KLRG1: variants seen among roughly 807,000 people sequenced by gnomAD.
The protein encoded by KLRG1 is killer cell lectin-like receptor subfamily G member 1.
A neutral mutation model predicts 21.8 loss-of-function variants in KLRG1; 16 were observed. That is an observed-to-expected ratio of 0.73 (90% CI 0.50 to 1.11). KLRG1 has a LOEUF of 1.11. KLRG1 is among the 50% of genes most tolerant of loss of function. The pLI is 0.00. For synonymous variants in KLRG1, 69 were observed against 75.9 expected, an observed-to-expected ratio of 0.91 and a Z score of 0.47; for missense variants, 173 against 218.3, an observed-to-expected ratio of 0.79 and a Z score of 1.31.
At chr12:9,002,571 T>C (rs1242471078) in intron 3 of KLRG1, among the ~76,000 whole-genome samples, 1 of 72,468 alleles carries the variant, frequency 1.4e-5, no homozygotes, top group African/African-American at 3.7e-5. Context: ...CCTATACTTT[T>C]GTTGTTGTTG....
At chr12:9,068,254 G>C in the KLRG1 span, 2 of 1,596,392 alleles carry the variant, frequency 1.3e-6, no homozygotes, top group Non-Finnish European at 1.7e-6. Context: ...CAAAAAACCA[G>C]AAATCATTAC....
At chr12:9,161,216 A>G in the KLRG1 span, 1 of 1,002,292 alleles carries the variant, frequency 1.0e-6, no homozygotes, top group Non-Finnish European at 1.5e-6. Flanking sequence ...CACTCCCTGG[A>G]TATGGTACTG....
chr12:8,998,525 A>G lies in KLRG1; in HGVS notation c.357+3237A>G, dbSNP rs752001672. On this transcript the variant is annotated intron_variant, in intron 3 of 4. Transcript: ENST00000356986. ...CAACATGGCAAGACCCTGCCTCTAC[A>G]AAAAAATACAGAAATTAGCTGGGTG... Among the ~76,000 whole-genome samples, 572 of 151,874 alleles carry G rather than the reference A, an allele frequency of 3.8e-3. 4 individuals are homozygous for G. Among genetic ancestry groups the G allele is most frequent in the African/African-American group, 0.013 (551 of 41,432 alleles).
the KLRG1 span, among the ~76,000 whole-genome samples, chr12:9,048,152 A>G: frequency 2.0e-5 from 3 of 152,222 alleles, no homozygotes; most frequent in South Asian, 6.2e-4. Flanking sequence ...TTAAAAGAAT[A>G]GAAATCAAAC....
At chr12:9,052,777 A>T in the KLRG1 span, 1 of 426,286 alleles carries the variant, frequency 2.3e-6, no homozygotes, top group Non-Finnish European at 4.6e-6. Context: ...TCTGTTTTTC[A>T]TTTAAAAATG....
the KLRG1 span, among the ~76,000 whole-genome samples, chr12:9,051,758 T>A: frequency 6.6e-6 from 1 of 152,248 alleles, no homozygotes; most frequent in Non-Finnish European, 1.5e-5. Context: ...TCACTTTTTA[T>A]CACTGCCATC....
chr12:9,133,269 G>C, the KLRG1 span, among the ~76,000 whole-genome samples: 1 of 152,180 alleles, frequency 6.6e-6, no homozygotes, highest in Non-Finnish European at 1.5e-5. Flanking sequence ...AATATTTAAA[G>C]GCTGACAATG....
intron 1 of KLRG1, among the ~76,000 whole-genome samples, chr12:8,977,103 G>C (rs1321455824): frequency 6.6e-6 from 1 of 151,744 alleles, no homozygotes; most frequent in Non-Finnish European, 1.5e-5. Flanking sequence ...CTCTCTTTTG[G>C]TTACTTTTTG....
At chr12:9,034,988 T>C in the KLRG1 span, among the ~76,000 whole-genome samples, 1 of 152,054 alleles carries the variant, frequency 6.6e-6, no homozygotes. Context: ...GGCTAATGTA[T>C]GTTTTTGTGT....
At chr12:8,987,939 T>C (rs755550902), upstream of KLRG1, among the ~76,000 whole-genome samples, 74 of 152,222 alleles carry the variant, frequency 4.9e-4, no homozygotes, top group Non-Finnish European at 8.4e-4. Flanking sequence ...AGCTAAACTA[T>C]TGATGACTCT....
At chr12:9,039,499 C>G in the KLRG1 span, among the ~76,000 whole-genome samples, 1 of 152,098 alleles carries the variant, frequency 6.6e-6, no homozygotes, top group Non-Finnish European at 1.5e-5. Context: ...GCCTTTTCCT[C>G]TGTTTCTTCT....
At chr12:9,151,830 A>G in the KLRG1 span, among the ~76,000 whole-genome samples, 1 of 152,252 alleles carries the variant, frequency 6.6e-6, no homozygotes, top group Non-Finnish European at 1.5e-5. Context: ...TCAATATCCA[A>G]GTAACACATT....
the KLRG1 span, chr12:9,109,184 T>C: frequency 1.6e-6 from 1 of 626,706 alleles, no homozygotes; most frequent in South Asian, 2.1e-5. Context: ...AGAATAACAT[T>C]CTACAGATGA....
the KLRG1 span, chr12:9,093,545 C>T: frequency 1.9e-5 from 31 of 1,611,294 alleles, no homozygotes; most frequent in South Asian, 2.9e-4. Context: ...CAACATGCAC[C>T]AGGCGTGCAT....
chr12:9,205,067 A>C, the KLRG1 span, among the ~76,000 whole-genome samples: 1 of 152,176 alleles, frequency 6.6e-6, no homozygotes, highest in East Asian at 1.9e-4. Context: ...CAGTGCTTTC[A>C]GAGTGACAGA....
At chr12:8,992,133 T>G (rs760227865) in intron 1 of KLRG1, 73 bp from the exon 2 acceptor site, 2 of 1,292,786 alleles carry the variant, frequency 1.5e-6, no homozygotes, top group Non-Finnish European at 2.2e-6. Context: ...AGATGCGATA[T>G]CCTTCCCTGA....
At chr12:9,207,680 C>A in the KLRG1 span, among the ~76,000 whole-genome samples, 1 of 152,164 alleles carries the variant, frequency 6.6e-6, no homozygotes, top group Non-Finnish European at 1.5e-5. Context: ...AGGACTCTGA[C>A]AGTTTTCTCT....
At chr12:8,978,954 A>G (rs1037825146) in intron 1 of KLRG1, among the ~76,000 whole-genome samples, 1 of 149,950 alleles carries the variant, frequency 6.7e-6, no homozygotes, top group Non-Finnish European at 1.5e-5. Context: ...ACCTCAAGTG[A>G]TCCACCTGCT....
intron 1 of KLRG1, among the ~76,000 whole-genome samples, chr12:8,966,373 A>G (rs1427046517): frequency 6.6e-6 from 1 of 152,152 alleles, no homozygotes; most frequent in East Asian, 1.9e-4. Context: ...CTGCACAGCA[A>G]AAGAAACTAT....
Sources: allele counts gnomAD v4.1 joint callset (sites outside exome capture counted in the v4.1 genomes callset), GRCh38; gene constraint gnomAD v4.1.1; transcripts MANE v1.5; gene names NCBI Gene and HGNC (gene_info 2026-07-23, HGNC 2026-07-21).